Variants in FPR3 observed in about 807,000 individuals in gnomAD.
FPR3 encodes the protein N-formyl peptide receptor 3.
For synonymous variants in FPR3, 135 were observed against 163.6 expected (o/e 0.83, Z 1.34); for missense variants, 346 against 443.2 (o/e 0.78, Z 1.97).
At chr19:51,823,652 G>A (rs1479749909) in intron 1 of FPR3, 87 bp from the exon 2 acceptor site, 29 of 1,023,338 alleles carry the variant, frequency 2.8e-5, no homozygotes, top group Non-Finnish European at 3.7e-5. Flanking sequence ...CTGCTGGTAG[G>A]AGGAGGAGCT....
At chr19:51,821,114 T>C (rs1054808303) in intron 1 of FPR3, among the ~76,000 whole-genome samples, 5 of 152,234 alleles carry the variant, frequency 3.3e-5, no homozygotes, top group Admixed American at 6.5e-5. Flanking sequence ...ACACTCAGTC[T>C]AGCCTAGAAG....
chr19:51,822,025 A>T (rs2084193680), intron 1 of FPR3, among the ~76,000 whole-genome samples: 1 of 152,210 alleles, frequency 6.6e-6, no homozygotes. Context: ...CATTTTAACA[A>T]ATACCTTGGA....
In FPR3 at chr19:51,795,328, G is replaced by C. The variant is rs2083989565; in HGVS notation, c.-14G>C. 1 of 152,074 alleles carries C rather than the reference G, an allele frequency of 6.6e-6. No homozygotes were observed. The highest frequency in any genetic ancestry group is 2.4e-5 in the African/African-American group (1 of 41,392). 9.4% of individuals were successfully genotyped at this position (152,074 alleles called of 1,614,324 possible). ...TGGGCACAGGAAAAGGATCTAAGCT[G>C]GTGGTAAGTTGGGGTCTGAAAATTT... On this transcript the variant is annotated 5_prime_UTR_variant, in exon 1 of 2. Coordinates refer to ENST00000339223, the MANE Select transcript of FPR3 (RefSeq NM_002030.5).
intron 1 of FPR3, among the ~76,000 whole-genome samples, chr19:51,799,672 G>A (rs572990978): frequency 1.1e-4 from 16 of 152,350 alleles, no homozygotes; most frequent in African/African-American, 3.8e-4. Context: ...AGTGACCGTG[G>A]ACGGCTCTTT....
At chr19:51,797,123 GGTCCTGT>G (rs1172390249) in intron 1 of FPR3, among the ~76,000 whole-genome samples, 1 of 152,160 alleles carries the variant, frequency 6.6e-6, no homozygotes, top group Non-Finnish European at 1.5e-5. Flanking sequence ...TGATCCAATG[GGTCCTGT>G]GTCATTGGGA....
At chr19:51,816,453 G>A (rs1169898419) in intron 1 of FPR3, among the ~76,000 whole-genome samples, 2 of 152,164 alleles carry the variant, frequency 1.3e-5, no homozygotes, top group Non-Finnish European at 2.9e-5. Context: ...TTGCCACATT[G>A]GCCAGACTGG....
At position 51,824,444 on chromosome 19, in the gene FPR3, CAT is replaced by C. The variant is rs1172385979; in HGVS notation, c.697_698del (p.Met233AspfsTer2). On this transcript the variant is annotated frameshift_variant, in exon 2 of 2. Transcript: ENST00000339223. LOFTEE classifies it low-confidence loss of function (END_TRUNC). The surrounding 1 kb of genome is among the most constrained non-coding windows in gnomAD (Gnocchi z 4.7). ...IIAAKIHRNH[M>X]IKSSRPLRVF... Reference sequence around the variant, plus strand: ...TCGCTGCCAAAATTCACAGAAACCACATGATTAAATCCAGCCGTCCCTTACGT... The same window carrying C: ...TCGCTGCCAAAATTCACAGAAACCACGATTAAATCCAGCCGTCCCTTACGT... 1 of 1,614,112 alleles carries C rather than the reference CAT, an allele frequency of 6.2e-7. No homozygotes were observed. Among genetic ancestry groups the C allele is most frequent in the Non-Finnish European group, 8.5e-7 (1 of 1,180,020 alleles).
intron 1 of FPR3, among the ~76,000 whole-genome samples, chr19:51,815,812 C>T (rs1045225376): frequency 2.7e-5 from 4 of 149,032 alleles, no homozygotes; most frequent in African/African-American, 9.9e-5. Context: ...CAGTGAGCAG[C>T]GATCATGCCA....
intron 1 of FPR3, among the ~76,000 whole-genome samples, chr19:51,817,184 G>A (rs2084143164): frequency 6.6e-6 from 1 of 152,114 alleles, no homozygotes; most frequent in Non-Finnish European, 1.5e-5. Flanking sequence ...TCTGTCACTG[G>A]ATTGATTCCA....
intron 1 of FPR3, among the ~76,000 whole-genome samples, chr19:51,814,210 T>C (rs1180391328): frequency 6.6e-6 from 1 of 152,230 alleles, no homozygotes; most frequent in South Asian, 2.1e-4. Flanking sequence ...CTTGTCTTCA[T>C]GGTTGTGTTG....
chr19:51,796,391 A>G (rs1042927256), intron 1 of FPR3, among the ~76,000 whole-genome samples: 2 of 152,246 alleles, frequency 1.3e-5, no homozygotes, highest in Non-Finnish European at 2.9e-5. Flanking sequence ...GGAACCTAAG[A>G]TAAGGGTAAC....
At chr19:51,799,455 T>C (rs1199697734) in intron 1 of FPR3, among the ~76,000 whole-genome samples, 4 of 152,220 alleles carry the variant, frequency 2.6e-5, no homozygotes, top group Non-Finnish European at 4.4e-5. Context: ...CATTTAATAC[T>C]ACTGGCATAG....
chr19:51,824,517 T>C lies in FPR3; in HGVS notation c.769T>C (p.Tyr257His). Residue 257 changes from tyrosine (Y) to histidine (H), a missense_variant, in exon 2 of 2, where the codon TAT becomes CAT. Physicochemically the swap from Tyr to His is moderately conservative, Grantham distance 83 (BLOSUM62 2). Transcript: ENST00000339223. The surrounding 1 kb of genome is among the most constrained non-coding windows in gnomAD (Gnocchi z 4.7). ...TTCTTTCTTCATCTGTTGGTTCCCT[T>C]ATGAACTAATTGGCATTCTAATGGC... is the stretch of plus-strand genomic sequence containing the variant. The part of the protein sequence containing the change: ...VASFFICWFP[Y>H]ELIGILMAVW... 6.2e-7 allele frequency: 1 copy of C among 1,614,128 alleles called. No homozygotes were observed. The highest frequency in any genetic ancestry group is 2.2e-5 in the East Asian group (1 of 44,872).
intron 1 of FPR3, among the ~76,000 whole-genome samples, chr19:51,818,446 G>A (rs1013696646): frequency 6.6e-6 from 1 of 152,202 alleles, no homozygotes; most frequent in Non-Finnish European, 1.5e-5. Context: ...CTGAAAGAAG[G>A]TGCTACTTGT....
At chr19:51,822,766 A>G (rs917557998) in intron 1 of FPR3, among the ~76,000 whole-genome samples, 2 of 152,226 alleles carry the variant, frequency 1.3e-5, no homozygotes, top group African/African-American at 4.8e-5. Flanking sequence ...ACGGATGCTA[A>G]GTAGGGACAA....
At chr19:51,804,684 T>C (rs2084045882) in intron 1 of FPR3, 1 of 152,160 alleles carries the variant, frequency 6.6e-6, no homozygotes, top group Admixed American at 6.5e-5. Flanking sequence ...ATTATAGTTA[T>C]ATATGAGGAT....
In FPR3 at chr19:51,823,664, C is replaced by T. The variant is rs115594466; in HGVS notation, c.-10-75C>T. 1.8e-3 allele frequency: 2,070 copies of T among 1,128,240 alleles called. 29 individuals carry two copies. In the African/African-American group the frequency reaches 0.029, roughly 16 times the overall value. The allele number at this position is 1,128,240 out of a possible 1,614,324, so 69.9% of individuals were successfully genotyped here. On this transcript the variant is annotated intron_variant, in intron 1 of 1. Transcript: ENST00000339223. ...GGTCTGCTGGTAGGAGGAGGAGCTA[C>T]AGTGGAAGTTAATGAATAGTTGTAT...
chr19:51,795,504 CTTTTTTTTT>C (rs58620565), intron 1 of FPR3, among the ~76,000 whole-genome samples, 173 bp downstream of exon 1: 14 of 74,744 alleles, frequency 1.9e-4, no homozygotes, highest in South Asian at 6.2e-4. Flanking sequence ...CAGTAACATT[CTTTTTTTTT>C]TTTTTTTTTT....
At chr19:51,812,879 G>C (rs1435608791) in intron 1 of FPR3, among the ~76,000 whole-genome samples, 1 of 152,108 alleles carries the variant, frequency 6.6e-6, no homozygotes. Flanking sequence ...TCAGCATTTT[G>C]AGAGTCTGAG....
Sources: gnomAD v4.1 joint callset for allele counts (sites outside exome capture counted in the v4.1 genomes callset) on GRCh38, gnomAD v4.1.1 for gene constraint, Gnocchi (gnomAD v3.1) non-coding constraint, MANE v1.5 for transcripts, NCBI Gene and HGNC (gene_info 2026-07-23, HGNC 2026-07-21) for gene names.